MAML2: variants seen among roughly 807,000 people sequenced by gnomAD.
The protein encoded by MAML2 is mastermind-like protein 2.
MAML2 carries 22 observed loss-of-function variants against 96.1 expected under a neutral mutation model. The ratio of observed to expected loss-of-function variants is 0.23; its 90% confidence interval spans 0.16 to 0.33. MAML2 has a LOEUF of 0.33. Among genes scored for constraint, MAML2 ranks in the 10% least tolerant of loss-of-function variants. The pLI is 1.00. For missense variants in MAML2, 1,367 were observed against 1,392.4 expected, an observed-to-expected ratio of 0.98 and a Z score of 0.29; for synonymous variants, 561 against 521.3, an observed-to-expected ratio of 1.08 and a Z score of -1.04.
intron 2 of MAML2, among the ~76,000 whole-genome samples, chr11:96,034,339 C>T (rs1858665297): frequency 6.6e-6 from 1 of 152,054 alleles, no homozygotes; most frequent in Non-Finnish European, 1.5e-5. Flanking sequence ...TGACCCCCAT[C>T]TCCCTGTCCT....
chr11:96,298,367 C>A (rs750325347), intron 1 of MAML2, among the ~76,000 whole-genome samples: 3 of 152,136 alleles, frequency 2.0e-5, no homozygotes, highest in Non-Finnish European at 4.4e-5. Context: ...TGCTGGTAAC[C>A]AGTGATGTGA....
At position 96,073,923 on chromosome 11, in the gene MAML2, GAACTGAAAAAAAT is replaced by G. The variant is rs1213238912; in HGVS notation, c.2139+17956_2139+17968del. Among the ~76,000 whole-genome samples, 6 of 152,122 alleles carry G rather than the reference GAACTGAAAAAAAT, an allele frequency of 3.9e-5. No individual in the cohort carries two copies. In the South Asian group the frequency reaches 8.3e-4, roughly 21 times the overall value. The stretch of plus-strand genomic sequence containing the variant: ...CTGAATAAGTTTTTGTTTGCTAAAG[GAACTGAAAAAAAT>G]AAGATTCATGCAAGGGATTTACCAA... On this transcript the variant is annotated intron_variant, in intron 2 of 4. Transcript: ENST00000524717.
At chr11:96,206,861 G>A (rs116580244) in intron 1 of MAML2, among the ~76,000 whole-genome samples, 158 of 152,174 alleles carry the variant, frequency 1.0e-3, no homozygotes, top group African/African-American at 3.6e-3. Flanking sequence ...ATGAAAAGGA[G>A]CACCGGGAAA....
chr11:96,008,951 C>T (rs1291336569), intron 2 of MAML2, among the ~76,000 whole-genome samples: 1 of 152,162 alleles, frequency 6.6e-6, no homozygotes, highest in Non-Finnish European at 1.5e-5. Context: ...GCTGTATTGA[C>T]ACCGCTGAAA....
Position 95,976,695 on chromosome 11 carries a change from T to A in MAML2, c.*2253A>T, listed in dbSNP as rs1261950632. ...TAGAAGAAAATCCAAACATTCTGAT[T>A]GCTTTATCTCTTAAATTTGATAACT... is the stretch of plus-strand genomic sequence containing the variant. On this transcript the variant is annotated 3_prime_UTR_variant, in exon 5 of 5. Coordinates refer to ENST00000524717, the MANE Select transcript of MAML2 (RefSeq NM_032427.4). 11 of 179,122 alleles carry A rather than the reference T, an allele frequency of 6.1e-5. No homozygotes were observed. Among genetic ancestry groups the A allele is most frequent in the South Asian group, 3.9e-4 (2 of 5,068 alleles). 11.1% of individuals were successfully genotyped at this position (179,122 alleles called of 1,614,324 possible).
chr11:96,246,793 G>A (rs1862518135), intron 1 of MAML2, among the ~76,000 whole-genome samples: 1 of 152,110 alleles, frequency 6.6e-6, no homozygotes, highest in Admixed American at 6.6e-5. Flanking sequence ...AATATATACA[G>A]TTTGAGGTTG....
At chr11:96,183,120 G>T (rs1591060135) in intron 1 of MAML2, among the ~76,000 whole-genome samples, 1 of 151,946 alleles carries the variant, frequency 6.6e-6, no homozygotes, top group Admixed American at 6.5e-5. Flanking sequence ...ACGACGCCTG[G>T]CTAATTTTTT....
rs149558041 is a variant in MAML2 at position 96,241,846 on chromosome 11, T to C, written c.513+99537A>G. Among the ~76,000 whole-genome samples the C allele has an allele frequency of 0.013, 2,023 of 152,332 alleles. 95 individuals are homozygous for C. The South Asian group carries it at 0.16, about 12-fold the overall frequency. ...TGCTCTGTTCAATCATTTTAGAAAA[T>C]ATCTAAGTATCGTTCTGGTTTGAAT... On this transcript the variant is annotated intron_variant, in intron 1 of 4. Coordinates refer to ENST00000524717, the MANE Select transcript of MAML2 (RefSeq NM_032427.4).
At chr11:96,032,034 C>T (rs1244036364) in intron 2 of MAML2, among the ~76,000 whole-genome samples, 5 of 152,000 alleles carry the variant, frequency 3.3e-5, no homozygotes, top group South Asian at 2.1e-4. Context: ...TATCTTTGTA[C>T]ATCAGTGGGC....
intron 2 of MAML2, among the ~76,000 whole-genome samples, chr11:96,080,920 A>G (rs1469633100): frequency 1.3e-5 from 2 of 152,214 alleles, no homozygotes; most frequent in East Asian, 1.9e-4. Flanking sequence ...TCCATTTTAC[A>G]TAATGCATGG....
Position 96,275,040 on chromosome 11 carries a change from T to TTAATGGCTGCATAATATTCCC in MAML2, c.513+66342_513+66343insGGGAATATTATGCAGCCATTA, listed in dbSNP as rs1395049055. ...AATGTATATGTATTGTATCTCAATT[T>TTAATGGCTGCATAATATTCCC]TAATGGCTGCATAATATTCCATTGT... On this transcript the variant is annotated intron_variant, in intron 1 of 4. Coordinates refer to ENST00000524717, the MANE Select transcript of MAML2 (RefSeq NM_032427.4). Among the ~76,000 whole-genome samples, 7 of 152,242 alleles carry TTAATGGCTGCATAATATTCCC rather than the reference T, an allele frequency of 4.6e-5. No homozygotes were observed. The South Asian group carries it at 1.0e-3, about 23-fold the overall frequency.
chr11:96,127,357 T>G lies in MAML2; in HGVS notation c.514-33840A>C, dbSNP rs1591028976. ...AAAAAGGATTGATAGGCTGAGGCTGTTTTCACTTAGGATTTGTATGACATG... is the reference window on the plus strand; with the variant it reads ...AAAAAGGATTGATAGGCTGAGGCTGGTTTCACTTAGGATTTGTATGACATG... On this transcript the variant is annotated intron_variant, in intron 1 of 4. Coordinates refer to ENST00000524717, the MANE Select transcript of MAML2 (RefSeq NM_032427.4). Among the ~76,000 whole-genome samples the G allele has an allele frequency of 2.0e-5, 3 of 152,312 alleles. No homozygotes were observed. In the East Asian group the frequency reaches 5.8e-4, roughly 29 times the overall value.
intron 1 of MAML2, among the ~76,000 whole-genome samples, chr11:96,147,532 C>T (rs780539317): frequency 2.0e-5 from 3 of 152,110 alleles, no homozygotes; most frequent in Non-Finnish European, 4.4e-5. Flanking sequence ...TTTTATAGTT[C>T]AAGTCAGAAA....
At chr11:96,204,170 A>T (rs919791644) in intron 1 of MAML2, among the ~76,000 whole-genome samples, 7 of 152,190 alleles carry the variant, frequency 4.6e-5, no homozygotes, top group Admixed American at 2.6e-4. Context: ...CAGCAGGGAC[A>T]AAAGGGTGTA....
chr11:96,057,178 A>T (rs758756928), intron 2 of MAML2, among the ~76,000 whole-genome samples: 2 of 152,170 alleles, frequency 1.3e-5, no homozygotes, highest in Non-Finnish European at 2.9e-5. Flanking sequence ...CATGAGTGCC[A>T]TGGATGCCAG....
At chr11:96,016,471 G>A (rs948330788) in intron 2 of MAML2, among the ~76,000 whole-genome samples, 1 of 152,148 alleles carries the variant, frequency 6.6e-6, no homozygotes, top group African/African-American at 2.4e-5. Flanking sequence ...CCAGACCCCT[G>A]TCCCTCCACC....
chr11:96,016,567 A>T (rs1858356110), intron 2 of MAML2, among the ~76,000 whole-genome samples: 1 of 152,198 alleles, frequency 6.6e-6, no homozygotes, highest in Admixed American at 6.5e-5. Flanking sequence ...ACTGTCTAGC[A>T]GAGATATTCA....
Position 96,092,842 on chromosome 11 carries a change from C to A in MAML2, c.1189G>T (p.Ala397Ser), listed in dbSNP as rs370348086. 30 of 1,607,724 alleles carry A rather than the reference C, an allele frequency of 1.9e-5. No individual in the cohort carries two copies. The African/African-American group carries it at 3.7e-4, about 20-fold the overall frequency. Residue 397 changes from alanine to serine, a missense_variant, in exon 2 of 5, where the codon GCC becomes TCC. Physicochemically the swap from Ala to Ser is moderately conservative, Grantham distance 99 (BLOSUM62 1). Coordinates refer to ENST00000524717, the MANE Select transcript of MAML2 (RefSeq NM_032427.4). The surrounding 1 kb of genome is among the most constrained non-coding windows in gnomAD (Gnocchi z 4.1). ...GGGATTGGAGACGAAGTGGAGAGGGCAGAGTTGGCCATGGAGAATGCGGGG... is the reference window on the plus strand; with the variant it reads ...GGGATTGGAGACGAAGTGGAGAGGGAAGAGTTGGCCATGGAGAATGCGGGG... Reference protein sequence around the residue: ...AGPAFSMANSALSTSSPIPSV... With the variant: ...AGPAFSMANSSLSTSSPIPSV...
chr11:96,333,644 T>C (rs944862945), intron 1 of MAML2, among the ~76,000 whole-genome samples: 3 of 152,190 alleles, frequency 2.0e-5, no homozygotes, highest in African/African-American at 7.2e-5. Flanking sequence ...TTCAACATGC[T>C]CCTGCTTAGG....
Sources: gnomAD v4.1 joint callset for allele counts (sites outside exome capture counted in the v4.1 genomes callset) on GRCh38, gnomAD v4.1.1 for gene constraint, Gnocchi (gnomAD v3.1) non-coding constraint, MANE v1.5 for transcripts, NCBI Gene and HGNC (gene_info 2026-07-23, HGNC 2026-07-21) for gene names.